MBP: variants seen among roughly 807,000 people sequenced by gnomAD.
MBP encodes the protein Golli-MBP.
In MBP, 16 loss-of-function variants were observed where a neutral mutation model predicts 35.8. The ratio of observed to expected loss-of-function variants is 0.45; its 90% CI spans 0.30 to 0.68. MBP has a LOEUF of 0.68. Ranked by LOEUF, MBP falls within the 30% of genes least tolerant of loss-of-function variation. The pLI, the probability that MBP is intolerant of heterozygous loss-of-function variation, is 0.08. For synonymous variants in MBP, 143 were observed against 159.6 expected, an observed-to-expected ratio of 0.90 and a Z score of 0.78; for missense variants, 380 against 404.7, an observed-to-expected ratio of 0.94 and a Z score of 0.52.
In MBP at chr18:76,988,734, G is replaced by A; in HGVS notation, c.717+143C>T. The A allele has an allele frequency of 7.6e-7, 1 of 1,319,600 alleles. No individual in the cohort carries two copies. The highest frequency in any genetic ancestry group is 1.1e-6 in the Non-Finnish European group (1 of 950,020). 81.7% of individuals were successfully genotyped at this position (1,319,600 alleles called of 1,614,324 possible). ...GAGGGGTGCATGGATCTGCCGACCT[G>A]TTCTACTTGGGAGCTGCCTGGCAAC... On this transcript the variant is annotated intron_variant, in intron 6 of 8. Coordinates refer to ENST00000355994, the MANE Select transcript of MBP (RefSeq NM_001025101.2). This position sits in a 1 kb window ranked among gnomAD's most constrained non-coding sequence, Gnocchi z 5.2.
intron 3 of MBP, among the ~76,000 whole-genome samples, chr18:77,019,208 T>C (rs1344160158): frequency 6.6e-6 from 1 of 152,238 alleles, no homozygotes; most frequent in East Asian, 1.9e-4. Context: ...TGAAAATGTA[T>C]GTTATGGATT....
At chr18:77,041,041 G>T (rs2144622688) in intron 3 of MBP, among the ~76,000 whole-genome samples, 1 of 151,996 alleles carries the variant, frequency 6.6e-6, no homozygotes, top group African/African-American at 2.4e-5. Context: ...ATCTGAGAAA[G>T]GGCTAGTATC....
At position 77,101,412 on chromosome 18, in the gene MBP, G is replaced by A. The variant is rs1337745791; in HGVS notation, c.51+3799C>T. 6.6e-6 allele frequency among the ~76,000 whole-genome samples: 1 copy of A among 152,214 alleles called. No individual in the cohort carries two copies. The highest frequency in any genetic ancestry group is 2.4e-5 in the African/African-American group (1 of 41,452). The stretch of plus-strand genomic sequence containing the variant: ...TCAAAGGCAGAACAGGAGTTTCTTC[G>A]TTTCTGAGAAGGAGCGCTGTGCCCT... On this transcript the variant is annotated intron_variant, in intron 2 of 8. Transcript: ENST00000355994. This position sits in a 1 kb window ranked among gnomAD's most constrained non-coding sequence, Gnocchi z 4.3.
At chr18:77,064,696 G>C (rs1974119619) in intron 3 of MBP, among the ~76,000 whole-genome samples, 1 of 152,204 alleles carries the variant, frequency 6.6e-6, no homozygotes, top group Non-Finnish European at 1.5e-5. Flanking sequence ...TTGTCTAACA[G>C]CTGAAATATA....
At position 77,131,085 on chromosome 18, in the gene MBP, GCACACACA is replaced by G. The variant is rs1156767144; in HGVS notation, c.-26+1487_-26+1494del. Among the ~76,000 whole-genome samples, 1 of 53,342 alleles carries G rather than the reference GCACACACA, an allele frequency of 1.9e-5. No individual in the cohort carries two copies. The highest frequency in any genetic ancestry group is 5.3e-5 in the African/African-American group (1 of 18,770). The allele number at this position is 53,342 out of a possible 152,430, so 35.0% of individuals were successfully genotyped here. On this transcript the variant is annotated intron_variant, in intron 1 of 8. Coordinates refer to ENST00000355994, the MANE Select transcript of MBP (RefSeq NM_001025101.2). This position sits in a 1 kb window ranked among gnomAD's most constrained non-coding sequence, Gnocchi z 5.5. ...AACACACACACGCGCGCACGCACGC[GCACACACA>G]CACACACACACACACACACACACAC...
chr18:77,098,936 C>CCTCCTCCTTCTCA (rs1346176352), intron 2 of MBP, among the ~76,000 whole-genome samples: 12 of 151,922 alleles, frequency 7.9e-5, no homozygotes, highest in Admixed American at 2.0e-4. Flanking sequence ...CTTCCCCCTC[C>CCTCCTCCTTCTCA]CTCCTCCTTC....
At chr18:76,991,405 A>G (rs1262557936) in intron 4 of MBP, among the ~76,000 whole-genome samples, 1 of 152,066 alleles carries the variant, frequency 6.6e-6, no homozygotes, top group East Asian at 1.9e-4. Context: ...AACACAGGGG[A>G]CATGGGGGCA....
At chr18:76,985,686 C>T (rs995495021) in intron 7 of MBP, 26 of 1,038,396 alleles carry the variant, frequency 2.5e-5, no homozygotes, top group Middle Eastern at 4.7e-4. Context: ...CTCCCAGTCC[C>T]CTAGCACCTT....
Position 77,001,368 on chromosome 18 carries a change from C to T in MBP, c.577-11308G>A, listed in dbSNP as rs149681456. 8.2e-3 allele frequency among the ~76,000 whole-genome samples: 1,242 copies of T among 152,076 alleles called. 13 individuals are homozygous for T. Among genetic ancestry groups the T allele is most frequent in the African/African-American group, 0.028 (1,141 of 41,464 alleles). On this transcript the variant is annotated intron_variant, in intron 4 of 8. Coordinates refer to ENST00000355994, the MANE Select transcript of MBP (RefSeq NM_001025101.2). The stretch of plus-strand genomic sequence containing the variant: ...ACACCTACCCAGAAGATCGGCCCAG[C>T]GTAGCCTGACAGTCTCCAGCCACTC...
intron 1 of MBP, 148 bp from the exon 2 acceptor site, chr18:77,105,434 G>A (rs752235829): frequency 3.7e-5 from 20 of 539,134 alleles, no homozygotes; most frequent in Non-Finnish European, 6.2e-5. Context: ...GAAGAGACAC[G>A]TCCAAGTCAT....
chr18:77,120,306 G>A (rs558205829), intron 1 of MBP, among the ~76,000 whole-genome samples: 2 of 152,336 alleles, frequency 1.3e-5, no homozygotes, highest in East Asian at 1.9e-4. Flanking sequence ...TGACCGGCAC[G>A]GCCAGGTGAC....
Position 77,129,963 on chromosome 18 carries a change from G to A in MBP, c.-26+2617C>T, listed in dbSNP as rs936074347. The stretch of plus-strand genomic sequence containing the variant: ...ACTGGGGAGGCTGAGGCAGGAGACT[G>A]TTTTGGATCCAGAAGGTGGAGGTTG... On this transcript the variant is annotated intron_variant, in intron 1 of 8. Coordinates refer to ENST00000355994, the MANE Select transcript of MBP (RefSeq NM_001025101.2). 2.0e-5 allele frequency among the ~76,000 whole-genome samples: 3 copies of A among 150,250 alleles called. No individual in the cohort carries two copies. The East Asian group carries it at 5.9e-4, about 30-fold the overall frequency.
At position 76,988,435 on chromosome 18, in the gene MBP, T is replaced by A; in HGVS notation, c.750+60A>T. On this transcript the variant is annotated intron_variant, in intron 7 of 8. Coordinates refer to ENST00000355994, the MANE Select transcript of MBP (RefSeq NM_001025101.2). The surrounding 1 kb of genome is among the most constrained non-coding windows in gnomAD (Gnocchi z 5.2). ...CCGAAACAGAGCAGAACACAAAAGT[T>A]GCGGGGCTGTGAGGACTGGGACGGA... The A allele has an allele frequency of 6.2e-7, 1 of 1,614,144 alleles. No individual in the cohort carries two copies. Among genetic ancestry groups the A allele is most frequent in the Non-Finnish European group, 8.5e-7 (1 of 1,180,024 alleles).
At chr18:77,042,441 G>T (rs922063475) in intron 3 of MBP, among the ~76,000 whole-genome samples, 1 of 152,144 alleles carries the variant, frequency 6.6e-6, no homozygotes, top group African/African-American at 2.4e-5. Context: ...AAAAACATTT[G>T]CATGATTTTG....
In MBP at chr18:76,988,897, G is replaced by A; in HGVS notation, c.697C>T (p.Pro233Ser). 5 of 1,613,944 alleles carry A rather than the reference G, an allele frequency of 3.1e-6. No homozygotes were observed. The highest frequency in any genetic ancestry group is 4.2e-6 in the Non-Finnish European group (5 of 1,179,870). ...FFKNIVTPRT[P>S]PPSQGKGRGL... ...CTTACCTTTCCCTGCGACGGGGGTGGTGTGCGAGGCGTCACCTGGAAAGAC... is the reference window on the plus strand; with the variant it reads ...CTTACCTTTCCCTGCGACGGGGGTGATGTGCGAGGCGTCACCTGGAAAGAC... The change falls in exon 6 of 9, where the codon CCA becomes TCA. Residue 233 changes from proline to serine, a missense_variant. By Grantham distance (74) the Pro-to-Ser change is moderately conservative. Coordinates refer to ENST00000355994, the MANE Select transcript of MBP (RefSeq NM_001025101.2). This position sits in a 1 kb window ranked among gnomAD's most constrained non-coding sequence, Gnocchi z 5.2.
upstream of MBP, among the ~76,000 whole-genome samples, chr18:77,133,265 T>C (rs1391370432): frequency 6.6e-6 from 1 of 152,102 alleles, no homozygotes; most frequent in Non-Finnish European, 1.5e-5. Context: ...CCCAAGGCAC[T>C]CCCTCCCTCC....
intron 3 of MBP, among the ~76,000 whole-genome samples, chr18:77,059,651 C>A (rs1973885809): frequency 6.6e-6 from 1 of 152,022 alleles, no homozygotes; most frequent in Non-Finnish European, 1.5e-5. Flanking sequence ...TAAAAATACA[C>A]CAAGATGCAA....
At chr18:77,015,358 C>G (rs960455455) in intron 4 of MBP, 1 of 985,154 alleles carries the variant, frequency 1.0e-6, no homozygotes, top group Admixed American at 6.2e-5. Flanking sequence ...ATAATAGCAA[C>G]GCTTTATTGG....
At chr18:76,991,694 G>T (rs367657687) in intron 4 of MBP, among the ~76,000 whole-genome samples, 24 of 152,332 alleles carry the variant, frequency 1.6e-4, no homozygotes, top group African/African-American at 4.6e-4. Context: ...CCTCAGGCAG[G>T]AATGAATTTC....
Sources: gnomAD v4.1 joint callset for allele counts (sites outside exome capture counted in the v4.1 genomes callset) on GRCh38, gnomAD v4.1.1 for gene constraint, Gnocchi (gnomAD v3.1) non-coding constraint, MANE v1.5 for transcripts, NCBI Gene and HGNC (gene_info 2026-07-23, HGNC 2026-07-21) for gene names.